Variants in EPRS1 observed in about 807,000 individuals in gnomAD.
EPRS1 encodes glutamyl-prolyl-tRNA synthetase 1.
Under a neutral mutation model 188.3 loss-of-function variants are expected in EPRS1, and 107 were observed. The ratio of observed to expected loss-of-function variants is 0.57; its 90% CI spans 0.49 to 0.67. The LOEUF is 0.67. Ranked by LOEUF, EPRS1 falls within the 30% of genes least tolerant of loss-of-function variation. The probability of loss-of-function intolerance (pLI) is 0.00; values close to 1 mark genes in which losing one functional copy is unlikely to be tolerated. For missense variants in EPRS1, 1,577 were observed against 1,802.2 expected, an observed-to-expected ratio of 0.88 and a Z score of 2.26; for synonymous variants, 596 against 593.1, an observed-to-expected ratio of 1.00 and a Z score of -0.07.
chr1:219,971,694 A>G (rs1025357581), intron 30 of EPRS1, among the ~76,000 whole-genome samples: 9 of 148,446 alleles, frequency 6.1e-5, no homozygotes, highest in East Asian at 2.0e-4. Context: ...AAACATGGGG[A>G]AAAAAAAACT....
chr1:220,040,108 A>T, intron 2 of EPRS1, 77 bp downstream of exon 2: 2 of 916,520 alleles, frequency 2.2e-6, no homozygotes, highest in Admixed American at 4.3e-5. Context: ...CAAAAGAGGG[A>T]GACTCTGTCT....
intron 24 of EPRS1, among the ~76,000 whole-genome samples, chr1:219,981,091 G>A (rs914684070): frequency 6.6e-6 from 1 of 151,974 alleles, no homozygotes; most frequent in Admixed American, 6.6e-5. Context: ...TAGAGATGTG[G>A]TTTTGCCATG....
Position 220,046,469 on chromosome 1 carries a change from G to GCAAC in EPRS1, c.-85_-82dup. The GCAAC allele has an allele frequency of 6.3e-7, 1 of 1,577,702 alleles. No homozygotes were observed. The highest frequency in any genetic ancestry group is 8.6e-7 in the Non-Finnish European group (1 of 1,163,342). On this transcript the variant is annotated 5_prime_UTR_variant, in exon 1 of 32. Transcript: ENST00000366923. ...GAGGACCCCGCGAAAGGAAGAAGAT[G>GCAAC]CAACGTGTGCGCGTACCCGACGCCG...
At chr1:219,981,281 C>T in intron 24 of EPRS1, 97 bp downstream of exon 24, 1 of 703,604 alleles carries the variant, frequency 1.4e-6, no homozygotes, top group Non-Finnish European at 2.3e-6. Context: ...CAGTTCCATA[C>T]TCCCAATCCT....
At chr1:220,031,074 G>A (rs1003398784) in intron 5 of EPRS1, among the ~76,000 whole-genome samples, 4 of 137,472 alleles carry the variant, frequency 2.9e-5, no homozygotes, top group Non-Finnish European at 4.6e-5. Context: ...CCTGGGTGAC[G>A]AGCAAAACTC....
At chr1:220,012,867 T>C (rs2102584698) in intron 12 of EPRS1, among the ~76,000 whole-genome samples, 1 of 152,414 alleles carries the variant, frequency 6.6e-6, no homozygotes, top group South Asian at 2.1e-4. Context: ...TTCACATACT[T>C]CAACCAGAAC....
intron 29 of EPRS1, 117 bp downstream of exon 29, chr1:219,973,121 G>C (rs1424447380): frequency 3.4e-5 from 27 of 797,270 alleles, no homozygotes; most frequent in South Asian, 1.3e-4. Context: ...TAGCATGGGG[G>C]TTCAGAGGGA....
chr1:220,042,435 G>A (rs1406788092), intron 1 of EPRS1, among the ~76,000 whole-genome samples: 2 of 149,708 alleles, frequency 1.3e-5, no homozygotes, highest in African/African-American at 2.5e-5. Flanking sequence ...AGTGAGCCAA[G>A]ATCGTACCAC....
chr1:219,973,518 A>C, intron 28 of EPRS1, 120 bp from the exon 29 acceptor site: 1 of 507,042 alleles, frequency 2.0e-6, no homozygotes, highest in Non-Finnish European at 3.0e-6. Flanking sequence ...AGGCAAAGCC[A>C]AAAAAAACAA....
chr1:220,015,555 T>G (rs1268164833), intron 12 of EPRS1, among the ~76,000 whole-genome samples: 1 of 151,140 alleles, frequency 6.6e-6, no homozygotes, highest in Non-Finnish European at 1.5e-5. Context: ...AGGGAGAGAA[T>G]TCAAGAAAAT....
rs780926796 is a variant in EPRS1 at position 219,988,668 on chromosome 1, T to C, written c.2697A>G (p.Pro899=). ...CTTTGTCAAAAAGTACTTTCGCTTC[T>C]GGTGTTTCTAAACCAGCAGGTTCAG... is the stretch of plus-strand genomic sequence containing the variant. ...RNSEPAGLET[P]EAKVLFDKVA... The change falls in exon 19 of 32, where the codon CCA becomes CCG. Residue 899 remains proline (P), a synonymous_variant. Coordinates refer to ENST00000366923, the MANE Select transcript of EPRS1 (RefSeq NM_004446.3). 1.9e-6 allele frequency: 3 copies of C among 1,614,070 alleles called. No individual in the cohort carries two copies. The highest frequency in any genetic ancestry group is 2.2e-5 in the East Asian group (1 of 44,870).
intron 1 of EPRS1, among the ~76,000 whole-genome samples, chr1:220,040,777 G>A (rs558403168): frequency 1.3e-5 from 2 of 151,844 alleles, no homozygotes; most frequent in South Asian, 2.1e-4. Flanking sequence ...TTGAACCTGG[G>A]AGGTGGAGGT....
chr1:220,008,244 G>GAC (rs1219708266), intron 13 of EPRS1, among the ~76,000 whole-genome samples: 3 of 151,996 alleles, frequency 2.0e-5, no homozygotes, highest in Non-Finnish European at 4.4e-5. Context: ...GGAAATTATG[G>GAC]ACCTTTCAGA....
chr1:219,980,044 T>C, intron 26 of EPRS1, 41 bp downstream of exon 26: 3 of 1,581,212 alleles, frequency 1.9e-6, no homozygotes, highest in Non-Finnish European at 2.6e-6. Context: ...CCATGGACTG[T>C]GCTTACAGTG....
At chr1:220,017,164 G>C (rs1315847839) in intron 12 of EPRS1, among the ~76,000 whole-genome samples, 1 of 152,128 alleles carries the variant, frequency 6.6e-6, no homozygotes, top group Non-Finnish European at 1.5e-5. Flanking sequence ...AGTGAGCCTA[G>C]ACTGTGCCAT....
At chr1:220,018,927 G>A in intron 11 of EPRS1, 68 bp downstream of exon 11, 5 of 980,038 alleles carry the variant, frequency 5.1e-6, no homozygotes, top group South Asian at 4.1e-5. Context: ...ATAATAAAGA[G>A]TAAAGGGACA....
chr1:220,036,345 G>A (rs1024426074), intron 2 of EPRS1, among the ~76,000 whole-genome samples: 2 of 152,100 alleles, frequency 1.3e-5, no homozygotes, highest in South Asian at 2.1e-4. Context: ...TACACTCAGA[G>A]GAATATAGTT....
intron 3 of EPRS1, 90 bp downstream of exon 3, chr1:220,034,824 T>A (rs1662147281): frequency 2.5e-6 from 2 of 788,764 alleles, no homozygotes; most frequent in African/African-American, 3.4e-5. Context: ...TTAAGTAGAA[T>A]AGTTCATAAG....
chr1:220,032,327 C>A, intron 5 of EPRS1, 60 bp downstream of exon 5: 1 of 1,403,666 alleles, frequency 7.1e-7, no homozygotes, highest in Non-Finnish European at 9.6e-7. Flanking sequence ...ACCTTGTGAT[C>A]CGCCCGCCTC....
Sources: gnomAD v4.1 joint callset for allele counts (sites outside exome capture counted in the v4.1 genomes callset) on GRCh38, gnomAD v4.1.1 for gene constraint, MANE v1.5 for transcripts, NCBI Gene and HGNC (gene_info 2026-07-23, HGNC 2026-07-21) for gene names.